Variants in UCKL1 observed in about 807,000 individuals in gnomAD.
UCKL1 encodes uridine-cytidine kinase 1 like 1, also known as uridine-cytidine kinase-like 1.
UCKL1 carries 65 observed loss-of-function variants against 59.2 expected under a neutral mutation model. The ratio of observed to expected loss-of-function variants is 1.10; its 90% CI spans 0.90 to 1.35. UCKL1 has a LOEUF of 1.35. UCKL1 is among the 40% of genes most tolerant of loss of function. The pLI is 0.00. For missense variants in UCKL1, 703 were observed against 784.3 expected (o/e 0.90, Z 1.24); for synonymous variants, 410 against 323.1 (o/e 1.27, Z -2.88).
chr20:63,952,920 G>A (rs2057902128), intron 1 of UCKL1, among the ~76,000 whole-genome samples: 1 of 152,246 alleles, frequency 6.6e-6, no homozygotes, highest in Admixed American at 6.5e-5. Flanking sequence ...TGCCTCATCG[G>A]TGATCAGGCC....
At chr20:63,948,129 C>G (rs1022799270) in intron 1 of UCKL1, 1 of 152,228 alleles carries the variant, frequency 6.6e-6, no homozygotes, top group Non-Finnish European at 1.5e-5. Context: ...CAGGAGACAC[C>G]GAGCTGGCTG....
At chr20:63,942,508 G>A in intron 8 of UCKL1, 1 of 1,173,550 alleles carries the variant, frequency 8.5e-7, no homozygotes, top group Non-Finnish European at 1.1e-6. Flanking sequence ...CAGGTGAAGA[G>A]CATGTTCAGG....
rs772699951 is a variant in UCKL1 at position 63,940,002 on chromosome 20, C to T, written c.1621G>A (p.Glu541Lys). Residue 541 changes from glutamate to lysine, a missense_variant, in exon 15 of 15, where the codon GAG (glutamate) becomes AAG (lysine). By Grantham distance (56) the Glu-to-Lys change is moderately conservative. Transcript: ENST00000354216. Reference protein sequence around the residue: ...GTDAVPDGSDEEEVAYTG With the variant: ...GTDAVPDGSDKEEVAYTG The stretch of plus-strand genomic sequence containing the variant: ...TAACCCGTGTAGGCCACTTCCTCCT[C>T]GTCACTGCCATCGGGGACCGCGTCT... 6.2e-7 allele frequency: 1 copy of T among 1,611,424 alleles called. No homozygotes were observed. Among genetic ancestry groups the T allele is most frequent in the Non-Finnish European group, 8.5e-7 (1 of 1,179,704 alleles).
Position 63,940,729 on chromosome 20 carries a change from G to T in UCKL1, c.1180-13C>A. 6.2e-7 allele frequency: 1 copy of T among 1,606,776 alleles called. No homozygotes were observed. ...ACACACCGGTGATCTGCGGGGAGGG[G>T]AGGCTAAGCGCCCACATCCCGCCCC... is the stretch of plus-strand genomic sequence containing the variant. On this transcript the variant is annotated splice_polypyrimidine_tract_variant and intron_variant, in intron 11 of 14. Coordinates refer to ENST00000354216, the MANE Select transcript of UCKL1 (RefSeq NM_017859.4).
At position 63,944,680 on chromosome 20, in the gene UCKL1, G is replaced by A; in HGVS notation, c.709C>T (p.Arg237Trp). The A allele has an allele frequency of 2.5e-6, 4 of 1,612,956 alleles. No individual in the cohort carries two copies. The highest frequency in any genetic ancestry group is 1.1e-5 in the South Asian group (1 of 91,088). Residue 237 changes from arginine (R) to tryptophan (W), a missense_variant, in exon 6 of 15, where the codon CGG becomes TGG. By Grantham distance (101) the Arg-to-Trp change is moderately radical (BLOSUM62 -3). Coordinates refer to ENST00000354216, the MANE Select transcript of UCKL1 (RefSeq NM_017859.4). ...DTDSDIRLVR[R>W]LRRDISERGR... Reference sequence around the variant, plus strand: ...CGCTCACTGATGTCCCGGCGCAGCCGCCGTACCAGGCGGATGTCGGAGTCT... The same window carrying A: ...CGCTCACTGATGTCCCGGCGCAGCCACCGTACCAGGCGGATGTCGGAGTCT...
chr20:63,946,198 G>A lies in UCKL1; in HGVS notation c.374C>T (p.Pro125Leu). 1.2e-6 allele frequency: 2 copies of A among 1,611,988 alleles called. No homozygotes were observed. The highest frequency in any genetic ancestry group is 1.7e-6 in the Non-Finnish European group (2 of 1,179,598). Residue 125 changes from proline to leucine, a missense_variant, in exon 3 of 15, where the codon CCC becomes CTC. By Grantham distance (98) the Pro-to-Leu change is moderately conservative (BLOSUM62 -3). This residue lies in a region of UCKL1 where 398 missense variants were observed against 373.0 expected (regional missense o/e 1.07). Coordinates refer to ENST00000354216, the MANE Select transcript of UCKL1 (RefSeq NM_017859.4). The part of the protein sequence containing the change: ...ARMIIEALDV[P>L]WVVLLSMDSF... The stretch of plus-strand genomic sequence containing the variant: ...GTCCATGGACAGCAAGACCACCCAG[G>A]GCACATCCAGGGCCTCGATGATCAT...
rs527722501 is a variant in UCKL1 at position 63,943,097 on chromosome 20, C to T, written c.923+556G>A. 1.1e-3 allele frequency among the ~76,000 whole-genome samples: 171 copies of T among 152,344 alleles called. 3 individuals carry two copies. The South Asian group carries it at 0.033, about 30-fold the overall frequency. Reference sequence around the variant, plus strand: ...GCCCTTGGGGAGGGACAGTGGGATGCGGCCCCGGCCCAGCCCAAGCTTCTT... The same window carrying T: ...GCCCTTGGGGAGGGACAGTGGGATGTGGCCCCGGCCCAGCCCAAGCTTCTT... On this transcript the variant is annotated intron_variant, in intron 8 of 14. Transcript: ENST00000354216.
chr20:63,944,784 G>A, intron 5 of UCKL1, 50 bp from the exon 6 acceptor site: 1 of 1,596,870 alleles, frequency 6.3e-7, no homozygotes, highest in South Asian at 1.1e-5. Context: ...CAGTGGGCAT[G>A]GAGACACTGG....
chr20:63,943,467 TC>T (rs2055233133), intron 8 of UCKL1, among the ~76,000 whole-genome samples, 185 bp downstream of exon 8: 1 of 152,152 alleles, frequency 6.6e-6, no homozygotes, highest in African/African-American at 2.4e-5. Context: ...CTACTTCACG[TC>T]TCTGTGCCTC....
intron 8 of UCKL1, chr20:63,942,570 G>A (rs751949838): frequency 1.1e-6 from 1 of 949,976 alleles, no homozygotes; most frequent in African/African-American, 1.7e-5. Flanking sequence ...AGAGAACAAA[G>A]AGAAGGCTGC....
chr20:63,956,227 C>A (rs1453190649), intron 1 of UCKL1, 33 bp downstream of exon 1: 1 of 1,488,714 alleles, frequency 6.7e-7, no homozygotes, highest in East Asian at 2.9e-5. Flanking sequence ...CCTTCCCGCT[C>A]GCCAGTGGAG....
At chr20:63,948,629 AG>A (rs1316317283) in intron 1 of UCKL1, among the ~76,000 whole-genome samples, 31 of 2,258 alleles carry the variant, frequency 0.014, no homozygotes, top group Non-Finnish European at 0.021. Context: ...CGTGTGTGAG[AG>A]GGAAGGGGCG....
chr20:63,952,698 G>C (rs985672158), intron 1 of UCKL1, among the ~76,000 whole-genome samples: 5 of 152,240 alleles, frequency 3.3e-5, no homozygotes, highest in Non-Finnish European at 5.9e-5. Flanking sequence ...CTTGCAGGTG[G>C]GGCTGTCTGA....
chr20:63,951,281 C>A (rs1459853175), intron 1 of UCKL1: 1 of 863,122 alleles, frequency 1.2e-6, no homozygotes, highest in Non-Finnish European at 1.4e-6. Context: ...GTGAACTGCC[C>A]CCTCCTGTGT....
intron 5 of UCKL1, among the ~76,000 whole-genome samples, 156 bp from the exon 6 acceptor site, chr20:63,944,890 G>C (rs994300134): frequency 7.9e-5 from 12 of 151,714 alleles, no homozygotes; most frequent in African/African-American, 2.7e-4. Flanking sequence ...GGGAGGTGGG[G>C]GTGTCTGCAC....
intron 1 of UCKL1, 146 bp downstream of exon 1, chr20:63,956,114 G>C: frequency 1.3e-6 from 1 of 758,292 alleles, no homozygotes. Context: ...GGTTCCACCC[G>C]GCACGTGGGA....
At chr20:63,948,468 A>C (rs1186298057) in intron 1 of UCKL1, 8 of 150,740 alleles carry the variant, frequency 5.3e-5, no homozygotes, top group African/African-American at 2.0e-4. Context: ...TCAGGGGAGA[A>C]AAGCAAGCTG....
rs1321942407 is a variant in UCKL1 at position 63,951,058 on chromosome 20, G to A, written c.114-4415C>T. 3.3e-6 allele frequency: 4 copies of A among 1,213,998 alleles called. No homozygotes were observed. The East Asian group carries it at 1.4e-4, about 41-fold the overall frequency. The allele number at this position is 1,213,998 out of a possible 1,614,324, so 75.2% of individuals were successfully genotyped here. ...GTGGCTGGGGTGAGACCCTTGGCTG[G>A]CAGAAGCTGCCTGCCAAATGTCAGC... On this transcript the variant is annotated intron_variant, in intron 1 of 14. Coordinates refer to ENST00000354216, the MANE Select transcript of UCKL1 (RefSeq NM_017859.4).
At chr20:63,953,700 AGAAAG>A (rs2058075862) in intron 1 of UCKL1, 2 of 152,304 alleles carry the variant, frequency 1.3e-5, no homozygotes, top group East Asian at 1.9e-4. Context: ...CAAAAAAAAA[AGAAAG>A]GAAGAAAAAT....
Sources: allele counts gnomAD v4.1 joint callset (sites outside exome capture counted in the v4.1 genomes callset), GRCh38; gene constraint gnomAD v4.1.1; regional missense constraint gnomAD v4.1.1; transcripts MANE v1.5; gene names NCBI Gene and HGNC (gene_info 2026-07-23, HGNC 2026-07-21).